ACACA: variants seen among roughly 807,000 people sequenced by gnomAD.
ACACA encodes acetyl-CoA carboxylase 1.
A neutral mutation model predicts 296.1 loss-of-function variants in ACACA; 103 were observed. The ratio of observed to expected loss-of-function variants is 0.35; its 90% CI spans 0.30 to 0.41. ACACA has a LOEUF of 0.41. ACACA is among the 10% of genes least tolerant of loss of function. The probability of loss-of-function intolerance (pLI) is 1.00; values close to 1 mark genes in which losing one functional copy is unlikely to be tolerated. For missense variants in ACACA, 1,554 were observed against 2,989.7 expected (o/e 0.52, Z 11.20); for synonymous variants, 953 against 1,038.6 (o/e 0.92, Z 1.58).
chr17:37,365,709 G>A (rs565245183), intron 1 of ACACA: 64 of 985,236 alleles, frequency 6.5e-5, no homozygotes, highest in Non-Finnish European at 7.7e-5. Flanking sequence ...ATACCATAAG[G>A]TCAGAAAATC....
chr17:37,290,950 C>T (rs377135605), intron 3 of ACACA, among the ~76,000 whole-genome samples: 42 of 151,382 alleles, frequency 2.8e-4, no homozygotes, highest in African/African-American at 1.2e-4. Flanking sequence ...GGCGTGGTGG[C>T]GTGTGCCTGT....
intron 45 of ACACA, among the ~76,000 whole-genome samples, chr17:37,146,558 G>A (rs2075816812): frequency 6.6e-6 from 1 of 151,452 alleles, no homozygotes. Flanking sequence ...CTCCCTTGCT[G>A]CCTGGGGCTC....
At chr17:37,143,425 T>C (rs2075681455) in intron 45 of ACACA, among the ~76,000 whole-genome samples, 1 of 152,112 alleles carries the variant, frequency 6.6e-6, no homozygotes, top group African/African-American at 2.4e-5. Flanking sequence ...AATAAGAACC[T>C]GCTTAAAATT....
Position 37,330,244 on chromosome 17 carries a change from A to C in ACACA, c.267T>G (p.Ala89=). Residue 89 remains alanine, a synonymous_variant, in exon 3 of 56, where the codon GCT becomes GCG. Transcript: ENST00000616317. ...CAGAGAGTGTATCTGAGCCAACAGA[A>C]GCAGGTGACAAGGAGCCCTCCTTCT... ...LEEKEGSLSP[A]SVGSDTLSDL... is the part of the protein sequence containing the mutation. 1.2e-6 allele frequency: 2 copies of C among 1,614,214 alleles called. No individual in the cohort carries two copies. The highest frequency in any genetic ancestry group is 1.7e-6 in the Non-Finnish European group (2 of 1,180,042).
At chr17:37,292,789 G>A (rs1177506450) in intron 3 of ACACA, among the ~76,000 whole-genome samples, 2 of 152,190 alleles carry the variant, frequency 1.3e-5, no homozygotes, top group African/African-American at 4.8e-5. Flanking sequence ...GCTTGAATCT[G>A]GGAGGCAGAG....
chr17:37,359,156 A>ACCCGCCCCCGC (rs914620267), intron 1 of ACACA: 4 of 889,686 alleles, frequency 4.5e-6, no homozygotes, highest in Admixed American at 1.2e-4. Context: ...CAGGGGCCTG[A>ACCCGCCCCCGC]CCCGCCCCCG....
chr17:37,162,586 G>A (rs1598023362), intron 41 of ACACA: 4 of 258,550 alleles, frequency 1.5e-5, no homozygotes, highest in East Asian at 2.3e-4. Context: ...GTGGCCTCTT[G>A]TGGGTGAAAG....
intron 47 of ACACA, among the ~76,000 whole-genome samples, chr17:37,128,862 T>C (rs1053626884): frequency 5.3e-5 from 8 of 152,198 alleles, no homozygotes; most frequent in African/African-American, 1.7e-4. Context: ...CCAATACCAT[T>C]ACCAATATCA....
At chr17:37,119,861 T>A (rs929032063) in intron 50 of ACACA, among the ~76,000 whole-genome samples, 6 of 151,914 alleles carry the variant, frequency 3.9e-5, no homozygotes, top group African/African-American at 1.5e-4. Context: ...ACATTTTGTA[T>A]GTCTTAAGTA....
chr17:37,326,206 CAAAAAAA>C (rs773519168), intron 3 of ACACA, among the ~76,000 whole-genome samples: 16 of 61,874 alleles, frequency 2.6e-4, no homozygotes, highest in African/African-American at 7.9e-4. Context: ...AAGACTGTCT[CAAAAAAA>C]AAAAAAAAAA....
chr17:37,178,958 A>G (rs899569416), intron 41 of ACACA, among the ~76,000 whole-genome samples: 1 of 152,194 alleles, frequency 6.6e-6, no homozygotes, highest in African/African-American at 2.4e-5. Context: ...CTCTTTATTT[A>G]GAAGCAAATC....
intron 55 of ACACA, among the ~76,000 whole-genome samples, chr17:37,088,009 A>C (rs531920119): frequency 6.6e-6 from 1 of 152,332 alleles, no homozygotes; most frequent in African/African-American, 2.4e-5. Flanking sequence ...TACGGTAGAG[A>C]AATGGAGCAA....
intron 45 of ACACA, chr17:37,141,346 G>C (rs538714845): frequency 2.2e-6 from 1 of 447,960 alleles, no homozygotes; most frequent in South Asian, 1.8e-5. Context: ...CCCAGGCCCT[G>C]TTCACGGCCA....
At chr17:37,137,272 C>T (rs1036172095) in intron 45 of ACACA, among the ~76,000 whole-genome samples, 2 of 152,166 alleles carry the variant, frequency 1.3e-5, no homozygotes, top group African/African-American at 4.8e-5. Context: ...CTGTGACTGA[C>T]TGCATTGCTC....
chr17:37,259,105 A>G (rs2081334690), intron 12 of ACACA, among the ~76,000 whole-genome samples: 2 of 152,248 alleles, frequency 1.3e-5, no homozygotes, highest in African/African-American at 4.8e-5. Context: ...AATAAAGCAT[A>G]CATTATTAAC....
At chr17:37,135,593 A>T (rs1259853176) in intron 45 of ACACA, among the ~76,000 whole-genome samples, 1 of 152,216 alleles carries the variant, frequency 6.6e-6, no homozygotes, top group Non-Finnish European at 1.5e-5. Context: ...AACAGCCAAA[A>T]AGAGGCTGAA....
At chr17:37,150,044 G>T in intron 44 of ACACA, 70 bp from the exon 45 acceptor site, 1 of 1,388,880 alleles carries the variant, frequency 7.2e-7, no homozygotes, top group Non-Finnish European at 1.0e-6. Context: ...CTAAGGCATA[G>T]ATAAGTAAAA....
intron 52 of ACACA, among the ~76,000 whole-genome samples, chr17:37,108,370 T>C (rs973583511): frequency 6.6e-6 from 1 of 151,928 alleles, no homozygotes; most frequent in African/African-American, 2.4e-5. Context: ...CTCATTCTTA[T>C]AAAATACATA....
intron 3 of ACACA, among the ~76,000 whole-genome samples, chr17:37,324,940 A>T (rs1048951381): frequency 6.6e-6 from 1 of 151,630 alleles, no homozygotes; most frequent in African/African-American, 2.4e-5. Context: ...ACAGTGGCTC[A>T]CACCTGTAAC....
Sources: allele counts gnomAD v4.1 joint callset (sites outside exome capture counted in the v4.1 genomes callset), GRCh38; gene constraint gnomAD v4.1.1; transcripts MANE v1.5; gene names NCBI Gene and HGNC (gene_info 2026-07-23, HGNC 2026-07-21).